Variants in FMN1 observed in about 807,000 individuals in gnomAD.
FMN1 encodes the protein formin-1.
FMN1 carries 110 observed loss-of-function variants against 132.4 expected under a neutral mutation model. The observed-to-expected ratio is 0.83, with a 90% CI of 0.71 to 0.97. The LOEUF (loss-of-function observed/expected upper bound fraction) is 0.97. Ranked by LOEUF, FMN1 falls within the 50% of genes least tolerant of loss-of-function variation. The probability of loss-of-function intolerance (pLI) is 0.00; values close to 1 mark genes in which losing one functional copy is unlikely to be tolerated. For missense variants in FMN1, 1,792 were observed against 1,705.3 expected, an observed-to-expected ratio of 1.05 and a Z score of -0.90; for synonymous variants, 722 against 651.7, an observed-to-expected ratio of 1.11 and a Z score of -1.64.
chr15:32,989,666 T>C (rs1408089434), intron 7 of FMN1, among the ~76,000 whole-genome samples: 2 of 152,126 alleles, frequency 1.3e-5, no homozygotes, highest in African/African-American at 2.4e-5. Context: ...AGAGGTGTTT[T>C]AAGAGACGGG....
At chr15:32,786,546 G>A (rs1054648093) in intron 19 of FMN1, among the ~76,000 whole-genome samples, 2 of 152,142 alleles carry the variant, frequency 1.3e-5, no homozygotes, top group Admixed American at 6.6e-5. Context: ...TCACTCCTTT[G>A]CCATGATCTC....
At chr15:32,952,966 T>A (rs534304908) in intron 9 of FMN1, among the ~76,000 whole-genome samples, 6 of 152,234 alleles carry the variant, frequency 3.9e-5, no homozygotes, top group Non-Finnish European at 8.8e-5. Flanking sequence ...CCCTCTTCTT[T>A]CCCTTGCAGT....
intron 4 of FMN1, among the ~76,000 whole-genome samples, chr15:33,097,197 T>G (rs540498588): frequency 1.3e-5 from 2 of 151,668 alleles, no homozygotes; most frequent in African/African-American, 2.4e-5. Context: ...CTTGGGAGGC[T>G]GAGGTGGGAG....
chr15:33,105,313 A>G (rs1016666215), intron 4 of FMN1, among the ~76,000 whole-genome samples: 3 of 152,098 alleles, frequency 2.0e-5, no homozygotes, highest in African/African-American at 7.2e-5. Context: ...AGAAAAAAAT[A>G]AAACGGACAA....
chr15:32,798,894 G>A lies in FMN1; in HGVS notation c.4040C>T (p.Thr1347Ile). ...CCACACCATAAACACGTAGCTGGGT[G>A]TGATCTCCTTCTCACCAGACTTTGG... Reference protein sequence around the residue: ...MKPKSGEKEITPSYVFMVWYE... With the variant: ...MKPKSGEKEIIPSYVFMVWYE... The change falls in exon 19 of 21, where the codon ACA (threonine) becomes ATA (isoleucine). Residue 1347 changes from threonine to isoleucine, a missense_variant. By Grantham distance (89) the Thr-to-Ile change is moderately conservative (BLOSUM62 -1). Coordinates refer to ENST00000616417, the MANE Select transcript of FMN1 (RefSeq NM_001277313.2). 6.2e-7 allele frequency: 1 copy of A among 1,613,384 alleles called. No individual in the cohort carries two copies.
In FMN1 at chr15:32,766,043, G is replaced by C. The variant is rs546990735; in HGVS notation, c.*8267C>G. The C allele has an allele frequency of 6.6e-6, 1 of 152,170 alleles. No homozygotes were observed. Among genetic ancestry groups the C allele is most frequent in the Non-Finnish European group, 1.5e-5 (1 of 68,026 alleles). The allele number at this position is 152,170 out of a possible 1,614,324, so 9.4% of individuals were successfully genotyped here. ...ATGCTTAAAAATATCCCAAGAGCGT[G>C]TAAGGTTTCATGTCTTTAAAGGGCC... On this transcript the variant is annotated 3_prime_UTR_variant, in exon 21 of 21. Transcript: ENST00000616417.
intron 4 of FMN1, among the ~76,000 whole-genome samples, chr15:33,145,716 T>A (rs2140263330): frequency 6.6e-6 from 1 of 151,338 alleles, no homozygotes; most frequent in South Asian, 2.1e-4. Context: ...GGCATGACTG[T>A]CAAATTATCC....
At chr15:32,983,695 G>C (rs2140793723) in intron 7 of FMN1, among the ~76,000 whole-genome samples, 1 of 152,272 alleles carries the variant, frequency 6.6e-6, no homozygotes, top group South Asian at 2.1e-4. Flanking sequence ...ATCACAGAAA[G>C]TAGAGTAAAA....
rs369337354 is a variant in FMN1 at position 33,051,640 on chromosome 15, A to G, written c.2161+13317T>C. ...TCAAGCATGGGCATGAAGAGGCAAA[A>G]CAGCAGAGTTTTTAGCTGGTATATG... On this transcript the variant is annotated intron_variant, in intron 6 of 20. Coordinates refer to ENST00000616417, the MANE Select transcript of FMN1 (RefSeq NM_001277313.2). Among the ~76,000 whole-genome samples, 30 of 152,274 alleles carry G rather than the reference A, an allele frequency of 2.0e-4. No individual in the cohort carries two copies. The South Asian group carries it at 6.0e-3, about 31-fold the overall frequency.
At chr15:33,112,733 G>T (rs570275738) in intron 4 of FMN1, among the ~76,000 whole-genome samples, 1 of 152,296 alleles carries the variant, frequency 6.6e-6, no homozygotes, top group African/African-American at 2.4e-5. Flanking sequence ...CCAATCAACA[G>T]AATTTTAGGA....
At chr15:33,064,016 A>G (rs956604707) in intron 6 of FMN1, 9 of 152,226 alleles carry the variant, frequency 5.9e-5, no homozygotes, top group Admixed American at 4.6e-4. Flanking sequence ...TGTGTAAATG[A>G]AAGCTAGAAA....
intron 6 of FMN1, among the ~76,000 whole-genome samples, chr15:33,021,888 A>C (rs2035434018): frequency 6.6e-6 from 1 of 152,192 alleles, no homozygotes; most frequent in Non-Finnish European, 1.5e-5. Context: ...CATAGTCAAC[A>C]ACAGTTAAAT....
At chr15:33,007,171 T>C (rs532804578) in intron 7 of FMN1, among the ~76,000 whole-genome samples, 1 of 152,330 alleles carries the variant, frequency 6.6e-6, no homozygotes, top group South Asian at 2.1e-4. Flanking sequence ...ACATGTCATA[T>C]ACCGTATATA....
intron 9 of FMN1, among the ~76,000 whole-genome samples, chr15:32,942,466 G>A (rs969184169): frequency 7.9e-5 from 12 of 152,084 alleles, no homozygotes; most frequent in African/African-American, 2.7e-4. Context: ...TGGCAGACAG[G>A]GCCAAAAATA....
intron 6 of FMN1, among the ~76,000 whole-genome samples, chr15:33,057,369 T>C (rs1159138299): frequency 6.6e-6 from 1 of 152,204 alleles, no homozygotes; most frequent in African/African-American, 2.4e-5. Flanking sequence ...CTATATACTC[T>C]TGTGTACTTT....
intron 17 of FMN1, among the ~76,000 whole-genome samples, chr15:32,805,852 G>A (rs2057661521): frequency 6.6e-6 from 1 of 151,642 alleles, no homozygotes; most frequent in African/African-American, 2.4e-5. Context: ...GAAGCCCATG[G>A]ACTCTTGTCA....
intron 17 of FMN1, among the ~76,000 whole-genome samples, chr15:32,820,046 C>T (rs941020320): frequency 2.0e-5 from 3 of 152,280 alleles, no homozygotes; most frequent in East Asian, 3.9e-4. Context: ...GATATTTAAA[C>T]ATTTAAAACT....
At chr15:32,842,028 T>C (rs774666188) in intron 17 of FMN1, among the ~76,000 whole-genome samples, 1 of 152,196 alleles carries the variant, frequency 6.6e-6, no homozygotes, top group Non-Finnish European at 1.5e-5. Context: ...CTTCCCTGCA[T>C]GTTTGTGCTG....
intron 6 of FMN1, among the ~76,000 whole-genome samples, chr15:33,027,669 C>T (rs78297804): frequency 0.023 from 3,450 of 151,370 alleles, 63 homozygotes; most frequent in South Asian, 0.089. Context: ...TCCTGATAAC[C>T]GACTTTCTCA....
Sources: allele counts gnomAD v4.1 joint callset (sites outside exome capture counted in the v4.1 genomes callset), GRCh38; gene constraint gnomAD v4.1.1; transcripts MANE v1.5; gene names NCBI Gene and HGNC (gene_info 2026-07-23, HGNC 2026-07-21).